The following NCAM2 variants were observed in gnomAD, a reference collection of about 807,000 sequenced individuals.
The protein encoded by NCAM2 is neural cell adhesion molecule 2.
In NCAM2, 30 loss-of-function variants were observed where a neutral mutation model predicts 98.1. The observed-to-expected ratio is 0.31, with a 90% CI of 0.23 to 0.41. The LOEUF is 0.41. NCAM2 is among the 10% of genes least tolerant of loss of function. The pLI is 1.00. For missense variants in NCAM2, 867 were observed against 1,005.8 expected (o/e 0.86, Z 1.87); for synonymous variants, 368 against 342.4 (o/e 1.07, Z -0.83).
chr21:21,265,345 T>C (rs2072198288), intron 1 of NCAM2, among the ~76,000 whole-genome samples: 1 of 125,402 alleles, frequency 8.0e-6, no homozygotes, highest in African/African-American at 3.0e-5. Flanking sequence ...TATATGTGTA[T>C]GTATGTATAT....
intron 8 of NCAM2, among the ~76,000 whole-genome samples, chr21:21,363,487 T>C (rs1420337258): frequency 6.6e-6 from 1 of 152,144 alleles, no homozygotes; most frequent in Non-Finnish European, 1.5e-5. Context: ...AAAAAGGCTG[T>C]TTCTCATCAT....
intron 16 of NCAM2, among the ~76,000 whole-genome samples, chr21:21,516,588 A>G (rs1048100051): frequency 2.9e-4 from 44 of 152,056 alleles, no homozygotes; most frequent in Non-Finnish European, 5.6e-4. Context: ...TATTTTGTAT[A>G]CCAGTGTTTT....
chr21:21,240,442 C>A (rs1248905068), intron 1 of NCAM2, among the ~76,000 whole-genome samples: 1 of 150,972 alleles, frequency 6.6e-6, no homozygotes, highest in Admixed American at 6.6e-5. Flanking sequence ...TGGATTCTTA[C>A]ATAAGATTAT....
At chr21:21,292,356 C>T (rs1037737885) in intron 5 of NCAM2, 115 bp downstream of exon 5, 3 of 985,922 alleles carry the variant, frequency 3.0e-6, no homozygotes, top group South Asian at 1.9e-5. Context: ...CTCTTCTATA[C>T]CAGGAAGAAA....
At chr21:21,276,530 C>T (rs967727175) in intron 1 of NCAM2, among the ~76,000 whole-genome samples, 3 of 151,930 alleles carry the variant, frequency 2.0e-5, no homozygotes, top group African/African-American at 7.2e-5. Context: ...TCATTCTTGT[C>T]CAATTTTCTC....
intron 5 of NCAM2, among the ~76,000 whole-genome samples, chr21:21,298,293 C>T (rs1014989940): frequency 6.6e-6 from 1 of 151,502 alleles, no homozygotes; most frequent in Non-Finnish European, 1.5e-5. Flanking sequence ...TTGAATCAAC[C>T]ATGCAGACAG....
chr21:21,161,618 T>G (rs776630756), intron 1 of NCAM2, among the ~76,000 whole-genome samples: 4 of 151,930 alleles, frequency 2.6e-5, no homozygotes, highest in African/African-American at 9.6e-5. Context: ...AGATAACATG[T>G]ATAGGATATA....
intron 9 of NCAM2, among the ~76,000 whole-genome samples, chr21:21,382,517 AT>A (rs36015235): frequency 0.027 from 1,614 of 59,480 alleles, 43 homozygotes; most frequent in East Asian, 0.15. Flanking sequence ...TATTTCAGGG[AT>A]TTTTTTTTTT....
intron 15 of NCAM2, among the ~76,000 whole-genome samples, chr21:21,483,385 A>T (rs1986065062): frequency 6.6e-6 from 1 of 152,078 alleles, no homozygotes. Context: ...AATATAAATC[A>T]CCACAAAAAA....
chr21:21,176,021 C>T (rs1220522297), intron 1 of NCAM2, among the ~76,000 whole-genome samples: 2 of 151,978 alleles, frequency 1.3e-5, no homozygotes, highest in African/African-American at 4.8e-5. Flanking sequence ...AGTATTTATT[C>T]TAAAAAAGTG....
At chr21:21,393,353 G>A (rs1483487399) in intron 9 of NCAM2, among the ~76,000 whole-genome samples, 1 of 152,004 alleles carries the variant, frequency 6.6e-6, no homozygotes, top group Non-Finnish European at 1.5e-5. Context: ...TTGTAGCCCT[G>A]TAGCTTTTCT....
chr21:21,212,047 C>T (rs528862209), intron 1 of NCAM2, among the ~76,000 whole-genome samples: 6 of 152,294 alleles, frequency 3.9e-5, no homozygotes, highest in South Asian at 2.1e-4. Flanking sequence ...CCAACGATTT[C>T]GTGCTTGGGC....
At position 21,367,193 on chromosome 21, in the gene NCAM2, A is replaced by G. The variant is rs935368833; in HGVS notation, c.1045-6670A>G. On this transcript the variant is annotated intron_variant, in intron 8 of 17. Transcript: ENST00000400546. ...CATGAAAGTAAATTTTACAAGATGT[A>G]CATTTTAGATCTGACTATCTTCTTG... Among the ~76,000 whole-genome samples, 32 of 152,118 alleles carry G rather than the reference A, an allele frequency of 2.1e-4. No individual in the cohort carries two copies. In the South Asian group the frequency reaches 6.0e-3, roughly 29 times the overall value.
intron 9 of NCAM2, among the ~76,000 whole-genome samples, chr21:21,402,054 A>G (rs1213921379): frequency 6.6e-6 from 1 of 152,190 alleles, no homozygotes; most frequent in African/African-American, 2.4e-5. Context: ...AACTGTACAA[A>G]TTGATTGTAA....
chr21:21,460,685 C>G (rs1191468259), intron 12 of NCAM2, among the ~76,000 whole-genome samples: 9 of 151,734 alleles, frequency 5.9e-5, no homozygotes. Context: ...AATGTGTAGG[C>G]TAGATGAGGG....
chr21:21,157,486 G>A (rs1191284716), intron 1 of NCAM2, among the ~76,000 whole-genome samples: 2 of 151,890 alleles, frequency 1.3e-5, no homozygotes, highest in African/African-American at 2.4e-5. Flanking sequence ...TACCATATAG[G>A]GTTATGATCA....
chr21:21,222,952 C>T (rs1009273439), intron 1 of NCAM2, among the ~76,000 whole-genome samples: 1 of 152,156 alleles, frequency 6.6e-6, no homozygotes, highest in African/African-American at 2.4e-5. Flanking sequence ...GCACAACCAC[C>T]TCAATCTTCA....
At chr21:21,498,467 A>C (rs925688961) in intron 15 of NCAM2, among the ~76,000 whole-genome samples, 1 of 152,164 alleles carries the variant, frequency 6.6e-6, no homozygotes, top group Non-Finnish European at 1.5e-5. Context: ...TTGTACCCAT[A>C]CAGCTCTCAT....
intron 12 of NCAM2, among the ~76,000 whole-genome samples, chr21:21,448,515 T>G (rs1402578570): frequency 6.7e-6 from 1 of 150,274 alleles, no homozygotes; most frequent in Admixed American, 6.6e-5. Flanking sequence ...GTAAAATAAA[T>G]AAATAAATAA....
Sources: allele counts gnomAD v4.1 joint callset (sites outside exome capture counted in the v4.1 genomes callset), GRCh38; gene constraint gnomAD v4.1.1; transcripts MANE v1.5; gene names NCBI Gene and HGNC (gene_info 2026-07-23, HGNC 2026-07-21).